ZNF407: variants seen among roughly 807,000 people sequenced by gnomAD.
ZNF407 encodes the protein zinc finger protein 407.
Under a neutral mutation model 131.2 loss-of-function variants are expected in ZNF407, and 17 were observed. The observed-to-expected ratio is 0.13, with a 90% CI of 0.09 to 0.19. The LOEUF (loss-of-function observed/expected upper bound fraction) is 0.19, where lower values mean the gene tolerates loss of function less well. Ranked by LOEUF, ZNF407 falls within the 10% of genes least tolerant of loss-of-function variation. The pLI is 1.00. For synonymous variants in ZNF407, 1,156 were observed against 1,062.0 expected, an observed-to-expected ratio of 1.09 and a Z score of -1.72; for missense variants, 2,681 against 2,830.6, an observed-to-expected ratio of 0.95 and a Z score of 1.20.
At chr18:74,752,915 GTCA>G (rs1968841001) in intron 3 of ZNF407, among the ~76,000 whole-genome samples, 1 of 152,188 alleles carries the variant, frequency 6.6e-6, no homozygotes, top group African/African-American at 2.4e-5. Flanking sequence ...TGTGAAGAAA[GTCA>G]TTGGTGGCTT....
chr18:74,819,471 A>G (rs1168204718), intron 4 of ZNF407, among the ~76,000 whole-genome samples: 1 of 152,224 alleles, frequency 6.6e-6, no homozygotes, highest in African/African-American at 2.4e-5. Context: ...TACAAGGCCT[A>G]CATGATCACC....
intron 3 of ZNF407, among the ~76,000 whole-genome samples, chr18:74,701,922 A>G (rs1967505804): frequency 6.6e-6 from 1 of 152,196 alleles, no homozygotes; most frequent in Admixed American, 6.5e-5. Flanking sequence ...TATTTTGTGA[A>G]TCTTGAATTT....
At chr18:74,607,679 C>T (rs1168449179) in intron 1 of ZNF407, among the ~76,000 whole-genome samples, 2 of 152,096 alleles carry the variant, frequency 1.3e-5, no homozygotes, top group African/African-American at 4.8e-5. Context: ...AAAATTAGTT[C>T]TGGTTTTGTG....
rs1401962178 is a variant in ZNF407 at position 74,641,203 on chromosome 18, T to C, written c.4802+81T>C. On this transcript the variant is annotated intron_variant, in intron 3 of 8. Coordinates refer to ENST00000299687, the MANE Select transcript of ZNF407 (RefSeq NM_017757.3). ...CCATTGTTTCGGAATTCAAAACCGA[T>C]AGGAGTAAGAGTGGCTAAAATTATG... 5.1e-5 allele frequency: 59 copies of C among 1,152,484 alleles called. 1 individual carries two copies. The East Asian group carries it at 6.4e-4, about 12-fold the overall frequency. The allele number at this position is 1,152,484 out of a possible 1,614,324, so 71.4% of individuals were successfully genotyped here. A position where few individuals can be genotyped will look rare whatever the true frequency, so the allele number is the denominator to read the frequency against.
intron 3 of ZNF407, among the ~76,000 whole-genome samples, chr18:74,772,508 A>G (rs1015501524): frequency 3.3e-5 from 5 of 152,174 alleles, no homozygotes; most frequent in Admixed American, 1.3e-4. Flanking sequence ...GCAGCTTTCT[A>G]TATTTTCAGT....
chr18:74,923,417 A>G (rs917354495), intron 8 of ZNF407, among the ~76,000 whole-genome samples: 5 of 151,816 alleles, frequency 3.3e-5, no homozygotes, highest in Non-Finnish European at 7.4e-5. Flanking sequence ...ATTTGTGTAG[A>G]CTTTTTTATG....
At chr18:74,833,131 C>T (rs1253949375) in intron 4 of ZNF407, among the ~76,000 whole-genome samples, 1 of 152,166 alleles carries the variant, frequency 6.6e-6, no homozygotes, top group Admixed American at 6.5e-5. Flanking sequence ...CCAGATAGAA[C>T]ACCTCTGAAT....
intron 1 of ZNF407, among the ~76,000 whole-genome samples, chr18:74,603,840 C>G (rs1982684421): frequency 6.6e-6 from 1 of 152,106 alleles, no homozygotes; most frequent in South Asian, 2.1e-4. Flanking sequence ...CCAGTGTTAC[C>G]TCAACTATGT....
intron 8 of ZNF407, among the ~76,000 whole-genome samples, chr18:74,941,012 A>G (rs1380742058): frequency 1.3e-5 from 2 of 152,086 alleles, no homozygotes; most frequent in Admixed American, 6.5e-5. Flanking sequence ...GCTCGGGGTG[A>G]CCTAACAAAG....
intron 1 of ZNF407, among the ~76,000 whole-genome samples, chr18:74,614,535 A>G (rs1193930023): frequency 1.3e-5 from 2 of 152,132 alleles, no homozygotes; most frequent in East Asian, 3.8e-4. Context: ...ATTTGCATTC[A>G]GTGGATATTC....
At chr18:74,874,802 A>G (rs1185639222) in intron 4 of ZNF407, among the ~76,000 whole-genome samples, 1 of 151,850 alleles carries the variant, frequency 6.6e-6, no homozygotes, top group Non-Finnish European at 1.5e-5. Context: ...GTAGCCTGCA[A>G]TTTCCTTGAA....
At chr18:74,740,556 C>G (rs1968526055) in intron 3 of ZNF407, among the ~76,000 whole-genome samples, 2 of 152,128 alleles carry the variant, frequency 1.3e-5, no homozygotes, top group South Asian at 4.2e-4. Context: ...TTGCACCCAC[C>G]CTTGTCTCTT....
chr18:74,765,779 G>A (rs1004067735), intron 3 of ZNF407, among the ~76,000 whole-genome samples: 1 of 152,066 alleles, frequency 6.6e-6, no homozygotes, highest in African/African-American at 2.4e-5. Context: ...TCTCCTAGCT[G>A]CAGCTCTGTT....
At chr18:75,008,191 C>T (rs1471541881) in intron 8 of ZNF407, among the ~76,000 whole-genome samples, 1 of 152,130 alleles carries the variant, frequency 6.6e-6, no homozygotes, top group African/African-American at 2.4e-5. Flanking sequence ...GACCTCCGTG[C>T]AAGTCCCTTG....
At chr18:74,936,122 G>A (rs1972037310) in intron 8 of ZNF407, among the ~76,000 whole-genome samples, 1 of 152,110 alleles carries the variant, frequency 6.6e-6, no homozygotes, top group Admixed American at 6.5e-5. Context: ...ATGTTACGAA[G>A]ACATTTTAAA....
At chr18:74,845,071 G>A (rs550972740) in intron 4 of ZNF407, among the ~76,000 whole-genome samples, 1 of 152,350 alleles carries the variant, frequency 6.6e-6, no homozygotes, top group Non-Finnish European at 1.5e-5. Context: ...ATGCTCTGCT[G>A]CCTTCAGGGT....
intron 3 of ZNF407, among the ~76,000 whole-genome samples, chr18:74,745,886 A>G (rs536962482): frequency 6.6e-6 from 1 of 152,292 alleles, no homozygotes; most frequent in Non-Finnish European, 1.5e-5. Context: ...CTGTCTGTGT[A>G]TAGCAGCCTG....
chr18:74,692,535 C>T (rs1967250465), intron 3 of ZNF407, among the ~76,000 whole-genome samples: 2 of 152,012 alleles, frequency 1.3e-5, no homozygotes, highest in Non-Finnish European at 2.9e-5. Flanking sequence ...GCCTGAGCCT[C>T]GTGGATGGGG....
At chr18:74,919,089 C>T (rs1405793994) in intron 7 of ZNF407, among the ~76,000 whole-genome samples, 1 of 152,160 alleles carries the variant, frequency 6.6e-6, no homozygotes, top group Non-Finnish European at 1.5e-5. Flanking sequence ...GACATCCCTG[C>T]ACCCTCTGTC....
Sources: gnomAD v4.1 joint callset for allele counts (sites outside exome capture counted in the v4.1 genomes callset) on GRCh38, gnomAD v4.1.1 for gene constraint, MANE v1.5 for transcripts, NCBI Gene and HGNC (gene_info 2026-07-23, HGNC 2026-07-21) for gene names.